ALDH1A1: variants seen among roughly 807,000 people sequenced by gnomAD.
ALDH1A1 encodes aldehyde dehydrogenase 1 family member A1, also known as aldehyde dehydrogenase 1A1.
Under a neutral mutation model 62.1 loss-of-function variants are expected in ALDH1A1, and 19 were observed. That is an observed-to-expected ratio of 0.31 (90% confidence interval 0.21 to 0.45). The LOEUF is 0.45. Among genes scored for constraint, ALDH1A1 ranks in the 20% least tolerant of loss-of-function variants. The pLI is 1.00. For synonymous variants in ALDH1A1, 231 were observed against 215.9 expected (o/e 1.07, Z -0.61); for missense variants, 521 against 607.1 (o/e 0.86, Z 1.49).
intron 9 of ALDH1A1, among the ~76,000 whole-genome samples, chr9:72,915,099 A>T (rs1177745330): frequency 6.6e-6 from 1 of 152,188 alleles, no homozygotes; most frequent in Admixed American, 6.5e-5. Context: ...CTTGTGATAA[A>T]AATCTATTCA....
chr9:72,935,707 C>A (rs990038302), intron 2 of ALDH1A1, among the ~76,000 whole-genome samples: 1 of 152,144 alleles, frequency 6.6e-6, no homozygotes, highest in Admixed American at 6.6e-5. Context: ...TTGTAACCTC[C>A]ATTTGTTCTT....
intron 9 of ALDH1A1, among the ~76,000 whole-genome samples, chr9:72,916,017 G>A (rs1189734543): frequency 2.0e-5 from 3 of 152,126 alleles, no homozygotes; most frequent in African/African-American, 7.2e-5. Context: ...CAGTTGTCCT[G>A]TTGGCATTTT....
At chr9:72,943,003 C>G (rs1288711064) in intron 1 of ALDH1A1, among the ~76,000 whole-genome samples, 3 of 152,050 alleles carry the variant, frequency 2.0e-5, no homozygotes, top group Non-Finnish European at 4.4e-5. Flanking sequence ...TATTGCGATA[C>G]CTGCCGTAGA....
intron 11 of ALDH1A1, 143 bp downstream of exon 11, chr9:72,909,459 T>G: frequency 7.8e-6 from 6 of 771,394 alleles, no homozygotes; most frequent in Non-Finnish European, 1.1e-5. Context: ...CACCCAGCCT[T>G]TTGTTTGTTT....
At chr9:72,940,365 T>G in intron 1 of ALDH1A1, 113 bp from the exon 2 acceptor site, 1 of 733,576 alleles carries the variant, frequency 1.4e-6, no homozygotes, top group Non-Finnish European at 2.3e-6. Context: ...TGCACATCTC[T>G]TCACCTCTCA....
Position 72,916,972 on chromosome 9 carries a change from T to G in ALDH1A1, c.983A>C (p.Lys328Thr), listed in dbSNP as rs186527997. The G allele has an allele frequency of 1.2e-6, 2 of 1,613,792 alleles. No homozygotes were observed. The highest frequency in any genetic ancestry group is 1.7e-5 in the Admixed American group (1 of 59,984). The change falls in exon 9 of 13, where the codon AAG (lysine) becomes ACG (threonine). Residue 328 changes from lysine to threonine, a missense_variant. Lys to Thr is a moderately conservative substitution (Grantham distance 78, BLOSUM62 -1). Transcript: ENST00000297785. ...CAGAGGATTTCCAAGGATATACTTC[T>G]TAGCCCGCTCAACACTCCTTCGAAC... ...EFVRRSVERA[K>T]KYILGNPLTP...
chr9:72,930,936 C>T lies in ALDH1A1; in HGVS notation c.255G>A (p.Arg85=), dbSNP rs202024021. The change falls in exon 3 of 13, where the codon AGG becomes AGA. Residue 85 remains arginine, a synonymous_variant. Coordinates refer to ENST00000297785, the MANE Select transcript of ALDH1A1 (RefSeq NM_000689.5). ...SPWRTMDASE[R]GRLLYKLADL... ...CAGCCAACTTGTATAATAGTCGCCC[C>T]CTCTCGGAAGCATCCATAGTACGCC... 6.2e-7 allele frequency: 1 copy of T among 1,613,912 alleles called. No individual in the cohort carries two copies. Among genetic ancestry groups the T allele is most frequent in the African/African-American group, 1.3e-5 (1 of 74,882 alleles).
chr9:72,909,026 G>A (rs766358847), intron 11 of ALDH1A1, among the ~76,000 whole-genome samples: 57 of 151,902 alleles, frequency 3.8e-4, no homozygotes, highest in Non-Finnish European at 7.2e-4. Flanking sequence ...ATAGTACCAC[G>A]TGCTCAGAAA....
intron 1 of ALDH1A1, among the ~76,000 whole-genome samples, chr9:72,946,068 C>T (rs1830470258): frequency 6.6e-6 from 1 of 151,930 alleles, no homozygotes; most frequent in Non-Finnish European, 1.5e-5. Flanking sequence ...CACTCCATCA[C>T]TGTGTCCTAG....
At chr9:72,922,488 TAGG>T (rs2118526108) in intron 7 of ALDH1A1, among the ~76,000 whole-genome samples, 1 of 151,794 alleles carries the variant, frequency 6.6e-6, no homozygotes, top group Admixed American at 6.6e-5. Flanking sequence ...GGAGAAGGAG[TAGG>T]CATAGGATCT....
chr9:72,923,926 T>C (rs894837772), intron 7 of ALDH1A1, 93 bp downstream of exon 7: 3 of 831,878 alleles, frequency 3.6e-6, no homozygotes, highest in Non-Finnish European at 5.5e-6. Flanking sequence ...GTTTTTGTTT[T>C]AAAATTGTTG....
Position 72,918,806 on chromosome 9 carries a change from T to C in ALDH1A1, c.764A>G (p.Lys255Arg). The change falls in exon 8 of 13, where the codon AAA (lysine) becomes AGA (arginine). Residue 255 changes from lysine to arginine, a missense_variant. Transcript: ENST00000297785. The stretch of plus-strand genomic sequence containing the variant: ...CAGATTGCTTTTCCCGGCAGCTTCT[T>C]TGATCAACTTGCCAACCTGAAAGGG... The part of the protein sequence containing the change: ...TGSTEVGKLI[K>R]EAAGKSNLKR... 6.2e-7 allele frequency: 1 copy of C among 1,613,972 alleles called. No homozygotes were observed. The highest frequency in any genetic ancestry group is 8.5e-7 in the Non-Finnish European group (1 of 1,179,898).
rs746834602 is a variant in ALDH1A1, at chr9:72,925,573, G to C, written c.544C>G (p.Pro182Ala). 3 of 1,613,724 alleles carry C rather than the reference G, an allele frequency of 1.9e-6. No homozygotes were observed. Among genetic ancestry groups the C allele is most frequent in the Non-Finnish European group, 2.5e-6 (3 of 1,179,796 alleles). The change falls in exon 6 of 13, where the codon CCT becomes GCT. Residue 182 changes from proline (P) to alanine (A), a missense_variant. Pro to Ala is a conservative substitution (Grantham distance 27). Transcript: ENST00000297785. ...ACTGTGTTTCCACAGCTCAGTGCAGGCCCTATCTTCCAAATGAGCATAACC... is the reference window on the plus strand; with the variant it reads ...ACTGTGTTTCCACAGCTCAGTGCAGCCCCTATCTTCCAAATGAGCATAACC... ...PLVMLIWKIGPALSCGNTVVV... is the reference protein window; with the variant it reads ...PLVMLIWKIGAALSCGNTVVV...
At chr9:72,918,161 A>C (rs968373531) in intron 8 of ALDH1A1, among the ~76,000 whole-genome samples, 3 of 152,272 alleles carry the variant, frequency 2.0e-5, no homozygotes, top group African/African-American at 4.8e-5. Flanking sequence ...TAATATAATC[A>C]GAATGAACCT....
At chr9:72,937,204 T>C (rs1305502044) in intron 2 of ALDH1A1, among the ~76,000 whole-genome samples, 1 of 152,144 alleles carries the variant, frequency 6.6e-6, no homozygotes, top group Non-Finnish European at 1.5e-5. Context: ...ATCTATAGTA[T>C]AGTATATCTA....
chr9:72,912,650 T>C (rs748826001), intron 9 of ALDH1A1, among the ~76,000 whole-genome samples: 1 of 152,090 alleles, frequency 6.6e-6, no homozygotes, highest in African/African-American at 2.4e-5. Context: ...GGATATCCCA[T>C]TCTGACCATA....
At chr9:72,934,613 C>T (rs997972473) in intron 2 of ALDH1A1, among the ~76,000 whole-genome samples, 6 of 152,076 alleles carry the variant, frequency 3.9e-5, no homozygotes, top group South Asian at 2.1e-4. Flanking sequence ...CAGTATACTC[C>T]CTTACTTTCT....
intron 1 of ALDH1A1, among the ~76,000 whole-genome samples, chr9:72,940,539 T>A (rs1327611042): frequency 6.6e-6 from 1 of 152,190 alleles, no homozygotes; most frequent in Non-Finnish European, 1.5e-5. Flanking sequence ...GAAATGGCCA[T>A]GAATTTGAGG....
rs565163623 is a variant in ALDH1A1, at chr9:72,949,337, A to T, written c.66+3598T>A. On this transcript the variant is annotated intron_variant, in intron 1 of 12. Coordinates refer to ENST00000297785, the MANE Select transcript of ALDH1A1 (RefSeq NM_000689.5). ...CATGGTAATCAGCAATGGGCAAATGAAAGTCAGGATGAAGAAGGATACAAG... is the reference window on the plus strand; with the variant it reads ...CATGGTAATCAGCAATGGGCAAATGTAAGTCAGGATGAAGAAGGATACAAG... Among the ~76,000 whole-genome samples the T allele has an allele frequency of 2.6e-5, 4 of 152,012 alleles. No individual in the cohort carries two copies. The South Asian group carries it at 8.3e-4, about 31-fold the overall frequency.
Sources: gnomAD v4.1 joint callset for allele counts (sites outside exome capture counted in the v4.1 genomes callset) on GRCh38, gnomAD v4.1.1 for gene constraint, MANE v1.5 for transcripts, NCBI Gene and HGNC (gene_info 2026-07-23, HGNC 2026-07-21) for gene names.